The following ZNF766 variants were observed in gnomAD, a reference collection of about 807,000 sequenced individuals.
ZNF766 encodes the protein zinc finger protein 766.
Under a neutral mutation model 13.2 loss-of-function variants are expected in ZNF766, and 13 were observed. The ratio of observed to expected loss-of-function variants is 0.98; its 90% confidence interval spans 0.64 to 1.56. The LOEUF (loss-of-function observed/expected upper bound fraction) is 1.56, where lower values mean the gene tolerates loss of function less well. ZNF766 is among the 40% of genes most tolerant of loss of function. ZNF766 has a pLI of 0.00. For missense variants in ZNF766, 521 were observed against 552.2 expected, an observed-to-expected ratio of 0.94 and a Z score of 0.57; for synonymous variants, 178 against 187.6, an observed-to-expected ratio of 0.95 and a Z score of 0.42.
Position 52,291,104 on chromosome 19 carries a change from C to T in ZNF766, c.1313C>T (p.Pro438Leu). 1 of 1,614,160 alleles carries T rather than the reference C, an allele frequency of 6.2e-7. No homozygotes were observed. Among genetic ancestry groups the T allele is most frequent in the East Asian group, 2.2e-5 (1 of 44,884 alleles). Residue 438 changes from proline to leucine, a missense_variant, in exon 4 of 4, where the codon CCT becomes CTT. By Grantham distance (98) the Pro-to-Leu change is moderately conservative. Transcript: ENST00000439461. ...NHQRIHTGEKPYKCHVCGKVF... is the reference protein window; with the variant it reads ...NHQRIHTGEKLYKCHVCGKVF... Reference sequence around the variant, plus strand: ...CAGAGAATCCACACTGGAGAGAAACCTTACAAATGCCATGTGTGTGGTAAG... The same window carrying T: ...CAGAGAATCCACACTGGAGAGAAACTTTACAAATGCCATGTGTGTGGTAAG...
chr19:52,280,563 T>TTTTTAA (rs766061980), intron 1 of ZNF766, among the ~76,000 whole-genome samples: 2 of 152,034 alleles, frequency 1.3e-5, no homozygotes, highest in Non-Finnish European at 2.9e-5. Context: ...TTATAAGAAT[T>TTTTTAA]TTTTAATTTT....
In ZNF766 at chr19:52,291,010, G is replaced by T. The variant is rs1160159357; in HGVS notation, c.1219G>T (p.Gly407Ter). The change falls in exon 4 of 4, where the codon GGA (glycine) becomes TGA (stop). Residue 407 changes from glycine to a stop codon, truncating the protein, a stop_gained. Coordinates refer to ENST00000439461, the MANE Select transcript of ZNF766 (RefSeq NM_001010851.3). LOFTEE classifies it low-confidence loss of function (END_TRUNC). ...HLARHQKIHT[G>*]EKPYKCNECG... ...TGCACGACATCAGAAAATTCACACT[G>T]GAGAGAAACCTTACAAATGTAATGA... 1 of 1,614,072 alleles carries T rather than the reference G, an allele frequency of 6.2e-7. No individual in the cohort carries two copies. The highest frequency in any genetic ancestry group is 1.7e-5 in the Admixed American group (1 of 60,020).
chr19:52,290,740 C>T lies in ZNF766; in HGVS notation c.949C>T (p.His317Tyr). 3 of 1,613,962 alleles carry T rather than the reference C, an allele frequency of 1.9e-6. No homozygotes were observed. The highest frequency in any genetic ancestry group is 2.5e-6 in the Non-Finnish European group (3 of 1,179,908). ...VYSSSSYLAQ[H>Y]WRIHTGEKLY... ...TAGTAGCAGTTCATACCTAGCACAA[C>T]ATTGGAGAATTCATACAGGAGAGAA... The change falls in exon 4 of 4, where the codon CAT (histidine) becomes TAT (tyrosine). Residue 317 changes from histidine (H) to tyrosine (Y), a missense_variant. Coordinates refer to ENST00000439461, the MANE Select transcript of ZNF766 (RefSeq NM_001010851.3).
At position 52,290,642 on chromosome 19, in the gene ZNF766, C is replaced by G. The variant is rs1982088834; in HGVS notation, c.851C>G (p.Thr284Arg). Reference protein sequence around the residue: ...NECGKVFSRITYLVRHQKIHT... With the variant: ...NECGKVFSRIRYLVRHQKIHT... ...TGTGGCAAGGTCTTCAGTCGAATTA[C>G]ATACCTTGTACGACATCAGAAAATT... The change falls in exon 4 of 4, where the codon ACA (threonine) becomes AGA (arginine). Residue 284 changes from threonine to arginine, a missense_variant. By Grantham distance (71) the Thr-to-Arg change is moderately conservative (BLOSUM62 -1). Transcript: ENST00000439461. 3.1e-6 allele frequency: 5 copies of G among 1,613,918 alleles called. No homozygotes were observed. The highest frequency in any genetic ancestry group is 4.2e-6 in the Non-Finnish European group (5 of 1,179,900).
rs768643902 is a variant in ZNF766, at chr19:52,290,094, A to G, written c.303A>G (p.Ala101=). The stretch of plus-strand genomic sequence containing the variant: ...GGAGCTGTGCAGTGAGAAGCAAAGC[A>G]GGAAACAAGCCTATTACAAATCAAC... ...TGRSCAVRSK[A]GNKPITNQLG... The change falls in exon 4 of 4, where the codon GCA becomes GCG. Residue 101 remains alanine (A), a synonymous_variant. Transcript: ENST00000439461. 2.3e-5 allele frequency: 37 copies of G among 1,612,524 alleles called. No individual in the cohort carries two copies. In the Admixed American group the frequency reaches 2.5e-4, roughly 11 times the overall value.
Position 52,283,306 on chromosome 19 carries a change from G to A in ZNF766, c.167G>A (p.Ser56Asn). Residue 56 changes from serine to asparagine, a missense_variant, in exon 3 of 4, where the codon AGT becomes AAT. Ser to Asn is a conservative substitution (Grantham distance 46). Transcript: ENST00000439461. The stretch of plus-strand genomic sequence containing the variant: ...ACAGGAATCTGTCTTCCTGACCTGA[G>A]TATTATCTCCATGATGAAGCAAAGG... ...VSLGICLPDLSIISMMKQRTE... is the reference protein window; with the variant it reads ...VSLGICLPDLNIISMMKQRTE... 6.2e-7 allele frequency: 1 copy of A among 1,613,842 alleles called. No homozygotes were observed. Among genetic ancestry groups the A allele is most frequent in the Non-Finnish European group, 8.5e-7 (1 of 1,179,856 alleles).
intron 1 of ZNF766, among the ~76,000 whole-genome samples, chr19:52,276,662 G>A (rs1180362514): frequency 1.3e-5 from 2 of 152,190 alleles, no homozygotes. Flanking sequence ...TCTGTCACAG[G>A]CATCCTTTAA....
At chr19:52,270,841 G>A (rs915413161) in intron 1 of ZNF766, among the ~76,000 whole-genome samples, 1 of 151,584 alleles carries the variant, frequency 6.6e-6, no homozygotes, top group Admixed American at 6.6e-5. Context: ...AGAGGAGAGG[G>A]GCTCAAAATC....
At chr19:52,272,731 A>G (rs916143166) in intron 1 of ZNF766, among the ~76,000 whole-genome samples, 4 of 151,784 alleles carry the variant, frequency 2.6e-5, no homozygotes, top group Admixed American at 2.0e-4. Context: ...ACCCTTCCTT[A>G]TCATCTCATC....
chr19:52,271,814 GC>G lies in ZNF766; in HGVS notation c.18+2184del, dbSNP rs1171062728. 2.6e-4 allele frequency among the ~76,000 whole-genome samples: 40 copies of G among 152,104 alleles called. 1 individual carries two copies. Among genetic ancestry groups the G allele is most frequent in the Non-Finnish European group, 4.9e-4 (33 of 67,980 alleles). On this transcript the variant is annotated intron_variant, in intron 1 of 3. Coordinates refer to ENST00000439461, the MANE Select transcript of ZNF766 (RefSeq NM_001010851.3). The stretch of plus-strand genomic sequence containing the variant: ...ATGTCTACTAAAAATACAAAAATTA[GC>G]TGGGTGTGGTGACACGTACCTGTAT...
intron 3 of ZNF766, among the ~76,000 whole-genome samples, chr19:52,289,153 GTT>G (rs61647050): frequency 2.2e-5 from 3 of 133,448 alleles, no homozygotes; most frequent in Non-Finnish European, 3.2e-5. Flanking sequence ...ACCGCATGTG[GTT>G]TTTTTTTTTT....
intron 3 of ZNF766, among the ~76,000 whole-genome samples, chr19:52,289,769 G>A (rs1302983229): frequency 6.6e-6 from 1 of 152,098 alleles, no homozygotes; most frequent in African/African-American, 2.4e-5. Context: ...GGGAGGCCAC[G>A]GCGGGCGGAT....
At chr19:52,281,313 G>A in intron 1 of ZNF766, 1 of 222,626 alleles carries the variant, frequency 4.5e-6, no homozygotes, top group Non-Finnish European at 9.2e-6. Flanking sequence ...GAGGTCAGGA[G>A]TTCAAGACCA....
intron 1 of ZNF766, chr19:52,277,402 T>C: frequency 7.3e-7 from 1 of 1,366,584 alleles, no homozygotes; most frequent in South Asian, 1.3e-5. Context: ...GAGCTTGCAG[T>C]GAGCTGAGAT....
At chr19:52,274,400 A>G (rs148079623) in intron 1 of ZNF766, 1 of 152,680 alleles carries the variant, frequency 6.5e-6, no homozygotes, top group East Asian at 1.9e-4. Flanking sequence ...TCATGACATC[A>G]TAGTGCAGTG....
chr19:52,273,303 C>A (rs1463906405), intron 1 of ZNF766, among the ~76,000 whole-genome samples: 1 of 152,212 alleles, frequency 6.6e-6, no homozygotes, highest in Non-Finnish European at 1.5e-5. Context: ...CCACCATGCC[C>A]AGCCTATAAG....
At position 52,295,979 on chromosome 19, in the gene ZNF766, AT is replaced by A. The variant is rs1288325074; in HGVS notation, c.*4784del. 5 of 152,048 alleles carry A rather than the reference AT, an allele frequency of 3.3e-5. No individual in the cohort carries two copies. The highest frequency in any genetic ancestry group is 4.4e-5 in the Non-Finnish European group (3 of 68,020). The allele number at this position is 152,048 out of a possible 1,614,324, so 9.4% of individuals were successfully genotyped here. ...GTAAATATATTAACCCTGTGTATCA[AT>A]TTGGGGTAATTTCACATTTTTTTCT... On this transcript the variant is annotated 3_prime_UTR_variant, in exon 4 of 4. Coordinates refer to ENST00000439461, the MANE Select transcript of ZNF766 (RefSeq NM_001010851.3).
At position 52,269,604 on chromosome 19, in the gene ZNF766, G is replaced by T. The variant is rs1980878354; in HGVS notation, c.-10G>T. 5 of 1,612,510 alleles carry T rather than the reference G, an allele frequency of 3.1e-6. No individual in the cohort carries two copies. The East Asian group carries it at 1.1e-4, about 36-fold the overall frequency. On this transcript the variant is annotated 5_prime_UTR_variant, in exon 1 of 4. Coordinates refer to ENST00000439461, the MANE Select transcript of ZNF766 (RefSeq NM_001010851.3). The stretch of plus-strand genomic sequence containing the variant: ...CCGCCTGCAGACCCGGAAGTGGATG[G>T]CGTGGAGATATGGCGCAACTGCGGC...
chr19:52,272,827 C>G (rs1173215176), intron 1 of ZNF766, among the ~76,000 whole-genome samples: 5 of 152,100 alleles, frequency 3.3e-5, no homozygotes, highest in Non-Finnish European at 7.4e-5. Context: ...CAGTTGTCCC[C>G]TCACTTCTCT....
Sources: gnomAD v4.1 joint callset for allele counts (sites outside exome capture counted in the v4.1 genomes callset) on GRCh38, gnomAD v4.1.1 for gene constraint, MANE v1.5 for transcripts, NCBI Gene and HGNC (gene_info 2026-07-23, HGNC 2026-07-21) for gene names.